The following KLRD1 variants were observed in gnomAD, a reference collection of about 807,000 sequenced individuals.
The protein encoded by KLRD1 is natural killer cells antigen CD94.
Under a neutral mutation model 22.6 loss-of-function variants are expected in KLRD1, and 21 were observed. The ratio of observed to expected loss-of-function variants is 0.93; its 90% CI spans 0.66 to 1.34. The LOEUF (loss-of-function observed/expected upper bound fraction) is 1.34. Ranked by LOEUF, KLRD1 falls within the 40% of genes most tolerant of loss-of-function variation. The pLI is 0.00. For missense variants in KLRD1, 183 were observed against 208.6 expected (o/e 0.88, Z 0.76); for synonymous variants, 59 against 71.1 (o/e 0.83, Z 0.85).
chr12:10,262,466 G>A (rs1452037456), intron 1 of KLRD1, among the ~76,000 whole-genome samples: 1 of 152,024 alleles, frequency 6.6e-6, no homozygotes, highest in African/African-American at 2.4e-5. Context: ...ATATACGAGA[G>A]TTTTTCTGAC....
rs1178806100 is a variant in KLRD1 at position 10,317,762 on chromosome 12, C to G, written c.*2969C>G. 6.6e-6 allele frequency: 1 copy of G among 152,062 alleles called. No individual in the cohort carries two copies. The highest frequency in any genetic ancestry group is 1.5e-5 in the Non-Finnish European group (1 of 68,018). 9.4% of individuals were successfully genotyped at this position (152,062 alleles called of 1,614,324 possible). Reference sequence around the variant, plus strand: ...TCTTATGCTGCTACTAAAGATATACCCAAGACTGGGAAATTTATAAAATAA... The same window carrying G: ...TCTTATGCTGCTACTAAAGATATACGCAAGACTGGGAAATTTATAAAATAA... On this transcript the variant is annotated 3_prime_UTR_variant, in exon 6 of 6. Transcript: ENST00000336164.
intron 1 of KLRD1, among the ~76,000 whole-genome samples, chr12:10,262,604 C>T (rs1230340534): frequency 6.6e-6 from 1 of 152,038 alleles, no homozygotes; most frequent in Non-Finnish European, 1.5e-5. Context: ...TACCAACATT[C>T]CCATTGTAAA....
intron 4 of KLRD1, among the ~76,000 whole-genome samples, chr12:10,313,182 C>T (rs1395461708): frequency 6.6e-6 from 1 of 151,948 alleles, no homozygotes; most frequent in Non-Finnish European, 1.5e-5. Flanking sequence ...GTTTTTAATT[C>T]TTCAGGAAGT....
At chr12:10,251,604 T>C (rs1479104242) in intron 1 of KLRD1, among the ~76,000 whole-genome samples, 1 of 152,008 alleles carries the variant, frequency 6.6e-6, no homozygotes, top group Non-Finnish European at 1.5e-5. Flanking sequence ...TTTCTATTAT[T>C]ATTACATTGT....
intron 1 of KLRD1, among the ~76,000 whole-genome samples, chr12:10,296,360 C>CA (rs760896805): frequency 1.3e-5 from 2 of 151,906 alleles, no homozygotes; most frequent in Non-Finnish European, 2.9e-5. Context: ...ACTAAAAATA[C>CA]AAAAAATTAG....
rs1592023622 is a variant in KLRD1 at position 10,249,505 on chromosome 12, T to G, written c.-101+23272T>G. On this transcript the variant is annotated intron_variant, in intron 1 of 5. Transcript: ENST00000544747. ...AACTGGACCAAAGTTATAAATATAG[T>G]AAGTGACACAACTCAAACTAATATC... Among the ~76,000 whole-genome samples the G allele has an allele frequency of 2.6e-5, 4 of 152,298 alleles. No homozygotes were observed. The South Asian group carries it at 8.3e-4, about 32-fold the overall frequency.
chr12:10,274,673 C>T (rs1949576992), intron 1 of KLRD1, among the ~76,000 whole-genome samples: 1 of 152,076 alleles, frequency 6.6e-6, no homozygotes, highest in Admixed American at 6.5e-5. Flanking sequence ...CATTAATTCT[C>T]TCTTCATCCG....
intron 1 of KLRD1, among the ~76,000 whole-genome samples, chr12:10,245,387 T>C (rs1050058850): frequency 6.6e-6 from 1 of 151,900 alleles, no homozygotes; most frequent in Non-Finnish European, 1.5e-5. Context: ...ATAAATGAAA[T>C]AAAACAAGAA....
chr12:10,247,764 C>G (rs764698850), intron 1 of KLRD1, among the ~76,000 whole-genome samples: 4 of 152,034 alleles, frequency 2.6e-5, no homozygotes, highest in Non-Finnish European at 4.4e-5. Flanking sequence ...CTCATAACAT[C>G]TGATGGTTTT....
chr12:10,293,423 T>C (rs1949795070), intron 1 of KLRD1, among the ~76,000 whole-genome samples: 2 of 151,676 alleles, frequency 1.3e-5, no homozygotes, highest in South Asian at 4.1e-4. Flanking sequence ...ATTTCAGTGT[T>C]GTTGTGTTTC....
chr12:10,300,287 T>C (rs550455891), upstream of KLRD1, among the ~76,000 whole-genome samples: 1 of 152,186 alleles, frequency 6.6e-6, no homozygotes, highest in Non-Finnish European at 1.5e-5. Context: ...TTAATAAGAC[T>C]TAAAAGTTGA....
chr12:10,319,767 C>G lies in KLRD1; in HGVS notation c.*4974C>G, dbSNP rs376874583. The G allele has an allele frequency of 1.3e-5, 2 of 152,020 alleles. No homozygotes were observed. The highest frequency in any genetic ancestry group is 1.3e-4 in the Admixed American group (2 of 15,244). 9.4% of individuals were successfully genotyped at this position (152,020 alleles called of 1,614,324 possible). A position where few individuals can be genotyped will look rare whatever the true frequency, so the allele number is the denominator to read the frequency against. ...TTACAGCCCCCAGCCAACACCTTGA[C>G]GGCAACCTCATGAGAGACCCTGAGC... On this transcript the variant is annotated 3_prime_UTR_variant, in exon 6 of 6. Coordinates refer to ENST00000336164, the MANE Select transcript of KLRD1 (RefSeq NM_002262.5).
rs181349214 is a variant in KLRD1 at position 10,251,831 on chromosome 12, G to A, written c.-101+25598G>A. Among the ~76,000 whole-genome samples the A allele has an allele frequency of 4.9e-3, 746 of 152,140 alleles. 2 individuals are homozygous for A. Among genetic ancestry groups the A allele is most frequent in the Non-Finnish European group, 7.3e-3 (496 of 67,996 alleles). ...TCCTATGAGAATCAAATGCCTCTGC[G>A]GACCTGACAGGAAGCAGAGCTCTGG... is the stretch of plus-strand genomic sequence containing the variant. On this transcript the variant is annotated intron_variant, in intron 1 of 5. Transcript: ENST00000544747.
chr12:10,284,079 C>A (rs1257270939), intron 1 of KLRD1, among the ~76,000 whole-genome samples: 1 of 150,336 alleles, frequency 6.7e-6, no homozygotes, highest in Non-Finnish European at 1.5e-5. Context: ...CCCAGCTACT[C>A]AGGAGGCTGA....
At chr12:10,255,098 T>A (rs1224100190) in intron 1 of KLRD1, among the ~76,000 whole-genome samples, 2 of 151,960 alleles carry the variant, frequency 1.3e-5, no homozygotes, top group East Asian at 1.9e-4. Context: ...AAATAATAGA[T>A]GCTGGTGAGG....
chr12:10,248,945 T>C (rs1489061699), intron 1 of KLRD1, among the ~76,000 whole-genome samples: 1 of 152,108 alleles, frequency 6.6e-6, no homozygotes, highest in Admixed American at 6.6e-5. Flanking sequence ...TTTCTTTGAA[T>C]CATATGCTTA....
At chr12:10,263,160 C>T (rs753248410) in intron 1 of KLRD1, among the ~76,000 whole-genome samples, 11 of 151,972 alleles carry the variant, frequency 7.2e-5, no homozygotes, top group Non-Finnish European at 1.2e-4. Flanking sequence ...TAATATTATA[C>T]AAACTCTCTC....
chr12:10,284,523 T>C (rs1180332580), intron 1 of KLRD1, among the ~76,000 whole-genome samples: 1 of 152,208 alleles, frequency 6.6e-6, no homozygotes, highest in Non-Finnish European at 1.5e-5. Context: ...CTAATCATAG[T>C]TTTTGTTTTA....
chr12:10,260,571 G>A (rs1949442053), intron 1 of KLRD1, among the ~76,000 whole-genome samples: 1 of 152,100 alleles, frequency 6.6e-6, no homozygotes, highest in Admixed American at 6.6e-5. Context: ...GGGAGGCCGA[G>A]GTGGGTGGGT....
Sources: allele counts gnomAD v4.1 joint callset (sites outside exome capture counted in the v4.1 genomes callset), GRCh38; gene constraint gnomAD v4.1.1; transcripts MANE v1.5; gene names NCBI Gene and HGNC (gene_info 2026-07-23, HGNC 2026-07-21).